Variants in FARS2 observed in about 807,000 individuals in gnomAD.
FARS2 encodes the protein phenylalanyl-tRNA synthetase 2, mitochondrial.
FARS2 carries 40 observed loss-of-function variants against 46.4 expected under a neutral mutation model. The observed-to-expected ratio is 0.86, with a 90% confidence interval of 0.67 to 1.12. The LOEUF (loss-of-function observed/expected upper bound fraction) is 1.12, where lower values mean the gene tolerates loss of function less well. FARS2 is among the 50% of genes most tolerant of loss of function. FARS2 has a pLI of 0.00. For synonymous variants in FARS2, 234 were observed against 214.9 expected, an observed-to-expected ratio of 1.09 and a Z score of -0.78; for missense variants, 513 against 567.9, an observed-to-expected ratio of 0.90 and a Z score of 0.98.
intron 4 of FARS2, among the ~76,000 whole-genome samples, chr6:5,480,473 C>T: frequency 6.6e-6 from 1 of 152,196 alleles, no homozygotes; most frequent in Non-Finnish European, 1.5e-5. Context: ...CTTTTCTCTT[C>T]CTGACCTGAG....
At chr6:5,673,144 C>G (rs1778566762) in intron 6 of FARS2, among the ~76,000 whole-genome samples, 1 of 152,152 alleles carries the variant, frequency 6.6e-6, no homozygotes, top group South Asian at 2.1e-4. Flanking sequence ...ATATGCGGTC[C>G]CTACCCTGAA....
chr6:5,615,922 G>C (rs1775446185), intron 6 of FARS2, among the ~76,000 whole-genome samples: 2 of 139,936 alleles, frequency 1.4e-5, no homozygotes, highest in Non-Finnish European at 3.0e-5. Context: ...ATCTACACTT[G>C]TTAGAAACAG....
intron 2 of FARS2, among the ~76,000 whole-genome samples, chr6:5,372,553 G>A (rs1222227374): frequency 7.9e-5 from 12 of 152,112 alleles, no homozygotes; most frequent in Admixed American, 7.9e-4. Flanking sequence ...TGTAGTTTAT[G>A]TAGAAAGCAA....
At chr6:5,574,307 G>T (rs1235755130) in intron 5 of FARS2, among the ~76,000 whole-genome samples, 1 of 152,076 alleles carries the variant, frequency 6.6e-6, no homozygotes, top group Non-Finnish European at 1.5e-5. Context: ...TGTATTTTTA[G>T]TAGAGATGGG....
chr6:5,283,651 T>G (rs1471596501), intron 1 of FARS2, among the ~76,000 whole-genome samples: 1 of 152,210 alleles, frequency 6.6e-6, no homozygotes, highest in South Asian at 2.1e-4. Context: ...TTAGACATTT[T>G]CTTATATATG....
the FARS2 span, among the ~76,000 whole-genome samples, chr6:5,251,735 T>C: frequency 6.6e-6 from 1 of 152,304 alleles, no homozygotes; most frequent in Admixed American, 6.5e-5. Context: ...ACATCCAAAC[T>C]GTATCATTGC....
At chr6:5,340,089 G>C (rs9405825) in intron 1 of FARS2, among the ~76,000 whole-genome samples, 29,688 of 152,166 alleles carry the variant, frequency 0.2, 3,390 homozygotes, top group East Asian at 0.48. Flanking sequence ...ACCAAATACT[G>C]ACTGAGTTCT....
intron 4 of FARS2, among the ~76,000 whole-genome samples, chr6:5,543,368 T>G (rs1287087101): frequency 2.3e-5 from 3 of 128,708 alleles, no homozygotes; most frequent in Admixed American, 9.8e-5. Flanking sequence ...TTTTCTGTTG[T>G]TGGTGGTGGT....
chr6:5,743,319 C>G (rs566393883), intron 6 of FARS2, among the ~76,000 whole-genome samples: 3 of 152,266 alleles, frequency 2.0e-5, no homozygotes, highest in Non-Finnish European at 4.4e-5. Context: ...TTCACCCACC[C>G]CAGCCCTAAC....
At chr6:5,327,563 C>A (rs1206748797) in intron 1 of FARS2, among the ~76,000 whole-genome samples, 1 of 152,170 alleles carries the variant, frequency 6.6e-6, no homozygotes, top group African/African-American at 2.4e-5. Context: ...TTGCCTGCCA[C>A]CATGTAAGAT....
chr6:5,723,869 G>T (rs1191099744), intron 6 of FARS2, among the ~76,000 whole-genome samples: 1 of 152,208 alleles, frequency 6.6e-6, no homozygotes, highest in African/African-American at 2.4e-5. Context: ...GCCTTGAAAT[G>T]AATTTTAGAA....
chr6:5,538,458 T>G (rs1770357607), intron 4 of FARS2, among the ~76,000 whole-genome samples: 1 of 152,110 alleles, frequency 6.6e-6, no homozygotes, highest in Non-Finnish European at 1.5e-5. Flanking sequence ...GTTGTAGAGG[T>G]GGCCTCCAAG....
intron 5 of FARS2, 38 bp downstream of exon 5, chr6:5,545,378 A>T (rs1308326302): frequency 3.9e-6 from 6 of 1,521,242 alleles, no homozygotes; most frequent in African/African-American, 1.4e-5. Flanking sequence ...ATAATAATAA[A>T]AATGGCTGTC....
chr6:5,423,257 T>C (rs536557837), intron 3 of FARS2, among the ~76,000 whole-genome samples: 2 of 152,118 alleles, frequency 1.3e-5, no homozygotes, highest in East Asian at 3.9e-4. Flanking sequence ...GACTGTCCCC[T>C]CTGCTGCTTG....
intron 2 of FARS2, among the ~76,000 whole-genome samples, chr6:5,395,056 G>A (rs1456215191): frequency 1.3e-5 from 2 of 151,842 alleles, no homozygotes; most frequent in Non-Finnish European, 2.9e-5. Flanking sequence ...TCAACATTGT[G>A]CTGATTGGTT....
At chr6:5,487,212 A>C (rs1766824954) in intron 4 of FARS2, among the ~76,000 whole-genome samples, 1 of 152,172 alleles carries the variant, frequency 6.6e-6, no homozygotes, top group Non-Finnish European at 1.5e-5. Flanking sequence ...CGGGTTCATC[A>C]CACAGCCTCT....
At chr6:5,396,001 A>G (rs1760877118) in intron 2 of FARS2, among the ~76,000 whole-genome samples, 2 of 152,214 alleles carry the variant, frequency 1.3e-5, no homozygotes, top group African/African-American at 4.8e-5. Flanking sequence ...CTGACATTCT[A>G]GTATTCTATT....
At chr6:5,706,689 G>C (rs1758785818) in intron 6 of FARS2, among the ~76,000 whole-genome samples, 1 of 152,196 alleles carries the variant, frequency 6.6e-6, no homozygotes, top group Non-Finnish European at 1.5e-5. Flanking sequence ...CGAATCACTG[G>C]CCATGTTTTA....
At chr6:5,296,792 G>A (rs1353543621) in intron 1 of FARS2, among the ~76,000 whole-genome samples, 2 of 152,088 alleles carry the variant, frequency 1.3e-5, no homozygotes, top group African/African-American at 2.4e-5. Flanking sequence ...ACATTGTCTG[G>A]ATAGAGCACA....
Sources: gnomAD v4.1 joint callset for allele counts (sites outside exome capture counted in the v4.1 genomes callset) on GRCh38, gnomAD v4.1.1 for gene constraint, MANE v1.5 for transcripts, NCBI Gene and HGNC (gene_info 2026-07-23, HGNC 2026-07-21) for gene names.